Variants in CNTNAP2 observed in about 807,000 individuals in gnomAD.
CNTNAP2 encodes the protein contactin associated protein 2.
Under a neutral mutation model 155.2 loss-of-function variants are expected in CNTNAP2, and 98 were observed. That is an observed-to-expected ratio of 0.63 (90% confidence interval 0.54 to 0.75). The LOEUF (loss-of-function observed/expected upper bound fraction) is 0.75, where lower values mean the gene tolerates loss of function less well. Among genes scored for constraint, CNTNAP2 ranks in the 30% least tolerant of loss-of-function variants. The pLI is 0.00. For missense variants in CNTNAP2, 1,727 were observed against 1,688.1 expected, an observed-to-expected ratio of 1.02 and a Z score of -0.40; for synonymous variants, 651 against 631.2, an observed-to-expected ratio of 1.03 and a Z score of -0.47.
chr7:147,425,210 A>G (rs1797358804), intron 10 of CNTNAP2, among the ~76,000 whole-genome samples: 1 of 59,530 alleles, frequency 1.7e-5, no homozygotes, highest in African/African-American at 1.4e-4. Flanking sequence ...GTGTTTCTAA[A>G]CGACAAAAAA....
intron 4 of CNTNAP2, chr7:147,081,644 G>A: frequency 1.3e-5 from 2 of 149,834 alleles, no homozygotes; most frequent in Non-Finnish European, 2.9e-5. Flanking sequence ...TAATAGAGAT[G>A]GGGTTTCACC....
intron 13 of CNTNAP2, among the ~76,000 whole-genome samples, chr7:147,897,365 G>A (rs1466450892): frequency 1.3e-5 from 2 of 152,146 alleles, no homozygotes; most frequent in South Asian, 4.2e-4. Context: ...GTATGGGCAG[G>A]ACAAAGGAGT....
At chr7:148,228,022 CTGTT>C (rs1795887821) in intron 19 of CNTNAP2, among the ~76,000 whole-genome samples, 1 of 150,090 alleles carries the variant, frequency 6.7e-6, no homozygotes. Context: ...TATTTTTTTT[CTGTT>C]TACTTTCTAT....
chr7:147,196,973 C>T lies in CNTNAP2; in HGVS notation c.1348+64464C>T, dbSNP rs117157298. ...AGGCAGGGAACCTAAGGCTGATTTA[C>T]GCGGACTTCTAGAACTAAATCAAAA... On this transcript the variant is annotated intron_variant, in intron 8 of 23. Coordinates refer to ENST00000361727, the MANE Select transcript of CNTNAP2 (RefSeq NM_014141.6). Among the ~76,000 whole-genome samples the T allele has an allele frequency of 3.1e-3, 474 of 152,190 alleles. 3 individuals carry two copies. The highest frequency in any genetic ancestry group is 0.026 in the East Asian group (133 of 5,156).
At chr7:147,067,608 A>G (rs909447854) in intron 4 of CNTNAP2, among the ~76,000 whole-genome samples, 1 of 152,206 alleles carries the variant, frequency 6.6e-6, no homozygotes, top group Non-Finnish European at 1.5e-5. Flanking sequence ...CCATAAGAAG[A>G]GATAATCTGA....
chr7:147,483,208 G>A (rs1334461381), intron 10 of CNTNAP2, among the ~76,000 whole-genome samples: 1 of 134,694 alleles, frequency 7.4e-6, no homozygotes, highest in East Asian at 2.1e-4. Context: ...CCAACCAATG[G>A]CAAATAGAAA....
At chr7:147,117,160 T>C (rs1801008073) in intron 5 of CNTNAP2, among the ~76,000 whole-genome samples, 1 of 152,140 alleles carries the variant, frequency 6.6e-6, no homozygotes, top group African/African-American at 2.4e-5. Context: ...TTGCCTGAGT[T>C]GCAGACACCT....
chr7:147,058,507 G>A (rs1799604868), intron 4 of CNTNAP2, among the ~76,000 whole-genome samples: 2 of 152,124 alleles, frequency 1.3e-5, no homozygotes, highest in Admixed American at 6.5e-5. Flanking sequence ...ATAGCATAAA[G>A]GCTGATTTTC....
chr7:146,746,030 A>G (rs559105759), intron 1 of CNTNAP2, among the ~76,000 whole-genome samples: 6 of 152,212 alleles, frequency 3.9e-5, no homozygotes, highest in Non-Finnish European at 5.9e-5. Flanking sequence ...AGGGTAGACT[A>G]TCTTCTCATT....
intron 18 of CNTNAP2, among the ~76,000 whole-genome samples, chr7:148,210,848 A>C (rs769189883): frequency 3.2e-4 from 48 of 152,262 alleles, no homozygotes; most frequent in Non-Finnish European, 5.9e-5. Flanking sequence ...ACAGAATAAA[A>C]AATTCAGCAA....
At chr7:148,144,771 C>T (rs1438900456) in intron 16 of CNTNAP2, among the ~76,000 whole-genome samples, 2 of 152,162 alleles carry the variant, frequency 1.3e-5, no homozygotes, top group Non-Finnish European at 2.9e-5. Flanking sequence ...CAGGCAGAAA[C>T]AGGGCAACAC....
chr7:147,257,981 A>G (rs1466811401), intron 8 of CNTNAP2, among the ~76,000 whole-genome samples: 1 of 152,218 alleles, frequency 6.6e-6, no homozygotes, highest in East Asian at 1.9e-4. Flanking sequence ...AAATGGGAGC[A>G]CCAAGTTCAA....
At chr7:148,410,414 A>G (rs1210232888) in intron 23 of CNTNAP2, among the ~76,000 whole-genome samples, 2 of 152,056 alleles carry the variant, frequency 1.3e-5, no homozygotes, top group Non-Finnish European at 2.9e-5. Flanking sequence ...TAAAAATACA[A>G]AAGTTAGCCA....
intron 1 of CNTNAP2, among the ~76,000 whole-genome samples, chr7:146,712,710 A>G (rs1223121717): frequency 6.6e-6 from 1 of 151,876 alleles, no homozygotes; most frequent in East Asian, 1.9e-4. Flanking sequence ...AACATCTGTA[A>G]CATATCATGG....
At chr7:146,853,356 G>T (rs1794917093) in intron 3 of CNTNAP2, among the ~76,000 whole-genome samples, 1 of 152,068 alleles carries the variant, frequency 6.6e-6, no homozygotes, top group Admixed American at 6.6e-5. Context: ...GTTAGGATTT[G>T]GGATAACTGA....
rs138963677 is a variant in CNTNAP2, at chr7:146,628,508, T to C, written c.98-145763T>C. 4.3e-3 allele frequency among the ~76,000 whole-genome samples: 658 copies of C among 152,214 alleles called. 6 individuals carry two copies. The highest frequency in any genetic ancestry group is 0.015 in the African/African-American group (630 of 41,554). ...ATGTAAAGTATTGTCAATACAAAAA[T>C]AATTATGTCAGGTAATGCATATGTT... On this transcript the variant is annotated intron_variant, in intron 1 of 23. Coordinates refer to ENST00000361727, the MANE Select transcript of CNTNAP2 (RefSeq NM_014141.6).
chr7:148,313,150 G>A (rs1424418618), intron 21 of CNTNAP2, among the ~76,000 whole-genome samples: 1 of 151,686 alleles, frequency 6.6e-6, no homozygotes, highest in African/African-American at 2.4e-5. Flanking sequence ...ACCCACAACA[G>A]TTACGGAGGC....
chr7:147,292,116 T>C (rs1389099916), intron 8 of CNTNAP2, among the ~76,000 whole-genome samples: 1 of 152,192 alleles, frequency 6.6e-6, no homozygotes, highest in South Asian at 2.1e-4. Flanking sequence ...TCAAGTGATT[T>C]TGATGTCCTC....
chr7:147,992,906 T>C (rs1386780487), intron 15 of CNTNAP2, among the ~76,000 whole-genome samples: 1 of 152,252 alleles, frequency 6.6e-6, no homozygotes, highest in Non-Finnish European at 1.5e-5. Context: ...ATTTGGTAGA[T>C]TACCCTAATC....
Sources: allele counts gnomAD v4.1 joint callset (sites outside exome capture counted in the v4.1 genomes callset), GRCh38; gene constraint gnomAD v4.1.1; transcripts MANE v1.5; gene names NCBI Gene and HGNC (gene_info 2026-07-23, HGNC 2026-07-21).